DCUN1D4: variants seen among roughly 807,000 people sequenced by gnomAD.
The protein encoded by DCUN1D4 is defective in cullin neddylation 1 domain containing 4.
DCUN1D4 carries 22 observed loss-of-function variants against 47.9 expected under a neutral mutation model. The ratio of observed to expected loss-of-function variants is 0.46; its 90% confidence interval spans 0.33 to 0.66. The LOEUF (loss-of-function observed/expected upper bound fraction) is 0.66. DCUN1D4 is among the 30% of genes least tolerant of loss of function. DCUN1D4 has a pLI of 0.02. For missense variants in DCUN1D4, 301 were observed against 340.8 expected (o/e 0.88, Z 0.92); for synonymous variants, 121 against 112.2 (o/e 1.08, Z -0.50).
intron 5 of DCUN1D4, 132 bp downstream of exon 5, chr4:51,877,986 A>C: frequency 2.0e-6 from 1 of 500,640 alleles, no homozygotes. Context: ...TGTTAGAGGG[A>C]GAGAGGGACA....
Position 51,843,437 on chromosome 4 carries a change from CGGCGTGGGGCGGGGGCG to C in DCUN1D4, c.25+180_25+196del. The C allele has an allele frequency of 7.6e-6, 9 of 1,189,484 alleles. No homozygotes were observed. The South Asian group carries it at 8.1e-5, about 11-fold the overall frequency. 73.7% of individuals were successfully genotyped at this position (1,189,484 alleles called of 1,614,324 possible). On this transcript the variant is annotated intron_variant, in intron 1 of 10. Coordinates refer to ENST00000334635, the MANE Select transcript of DCUN1D4 (RefSeq NM_001040402.3). ...CCGGGGCGGGCGGTGACGCTGCGGGCGGCGTGGGGCGGGGGCGGGCGTGGGGGGAAGGGACCGGCCTG... is the reference window on the plus strand; with the variant it reads ...CCGGGGCGGGCGGTGACGCTGCGGGCGGCGTGGGGGGAAGGGACCGGCCTG...
At chr4:51,894,080 G>A (rs1327667179) in intron 7 of DCUN1D4, among the ~76,000 whole-genome samples, 2 of 152,136 alleles carry the variant, frequency 1.3e-5, no homozygotes, top group African/African-American at 2.4e-5. Context: ...CACTTTGTAT[G>A]ATGCAGGTGG....
chr4:51,882,651 C>A (rs1728848772), intron 5 of DCUN1D4, among the ~76,000 whole-genome samples: 1 of 152,068 alleles, frequency 6.6e-6, no homozygotes. Flanking sequence ...CCTGTAGTCC[C>A]AGCTACTCTG....
At position 51,913,699 on chromosome 4, in the gene DCUN1D4, G is replaced by A. The variant is rs933305302; in HGVS notation, c.*115G>A. ...GCTTCTCTTGCACTGTTTCCCTTTC[G>A]CAGGGACATGTTGGTGTTTGCTATT... On this transcript the variant is annotated 3_prime_UTR_variant, in exon 11 of 11. Coordinates refer to ENST00000334635, the MANE Select transcript of DCUN1D4 (RefSeq NM_001040402.3). 1.2e-5 allele frequency: 11 copies of A among 934,068 alleles called. No individual in the cohort carries two copies. Among genetic ancestry groups the A allele is most frequent in the Admixed American group, 1.9e-5 (1 of 51,676 alleles). 57.9% of individuals were successfully genotyped at this position (934,068 alleles called of 1,614,324 possible). A position where few individuals can be genotyped will look rare whatever the true frequency, so the allele number is the denominator to read the frequency against.
At chr4:51,839,689 C>A (rs1721583951), upstream of DCUN1D4, among the ~76,000 whole-genome samples, 1 of 152,128 alleles carries the variant, frequency 6.6e-6, no homozygotes, top group African/African-American at 2.4e-5. Context: ...AATCTAAGGC[C>A]AAATTAATTC....
chr4:51,866,504 C>T (rs189792989), intron 3 of DCUN1D4, among the ~76,000 whole-genome samples: 24 of 152,150 alleles, frequency 1.6e-4, no homozygotes, highest in Non-Finnish European at 2.9e-4. Flanking sequence ...ATTTATAAAG[C>T]ATCTGCTTTC....
chr4:51,843,414 G>C (rs1035997888), intron 1 of DCUN1D4, 147 bp downstream of exon 1: 8 of 1,280,246 alleles, frequency 6.2e-6, no homozygotes, highest in Non-Finnish European at 8.0e-6. Context: ...TCCCGGGGCC[G>C]GGGCGGGCGG....
At chr4:51,912,128 C>T (rs1269223848) in intron 9 of DCUN1D4, among the ~76,000 whole-genome samples, 1 of 152,158 alleles carries the variant, frequency 6.6e-6, no homozygotes, top group African/African-American at 2.4e-5. Context: ...TATCTGTTTA[C>T]CCAAAATAGT....
At chr4:51,884,256 C>G (rs1339273980) in intron 5 of DCUN1D4, 1 of 152,108 alleles carries the variant, frequency 6.6e-6, no homozygotes, top group Non-Finnish European at 1.5e-5. Flanking sequence ...TAAGACTTCC[C>G]AGCAGGAGCT....
At chr4:51,846,206 G>A (rs748393693) in intron 1 of DCUN1D4, among the ~76,000 whole-genome samples, 23 of 152,062 alleles carry the variant, frequency 1.5e-4, no homozygotes, top group African/African-American at 2.7e-4. Context: ...TGGTTTTTAG[G>A]TTCCTTTTTG....
At chr4:51,854,241 A>G (rs1723795091) in intron 1 of DCUN1D4, among the ~76,000 whole-genome samples, 1 of 152,236 alleles carries the variant, frequency 6.6e-6, no homozygotes, top group Non-Finnish European at 1.5e-5. Context: ...GTAAATTGGT[A>G]TTGTAAATCA....
At chr4:51,872,387 A>G (rs1727029678) in intron 3 of DCUN1D4, among the ~76,000 whole-genome samples, 1 of 152,132 alleles carries the variant, frequency 6.6e-6, no homozygotes, top group Non-Finnish European at 1.5e-5. Context: ...CACTGTGTCC[A>G]CTTCCTCACC....
chr4:51,881,370 A>G (rs369902768), intron 5 of DCUN1D4, among the ~76,000 whole-genome samples: 4 of 152,202 alleles, frequency 2.6e-5, no homozygotes, highest in African/African-American at 9.6e-5. Flanking sequence ...AAAGTCAGTC[A>G]TGGACAGTTG....
intron 6 of DCUN1D4, chr4:51,887,150 G>C: frequency 2.2e-6 from 1 of 451,158 alleles, no homozygotes; most frequent in Non-Finnish European, 4.4e-6. Flanking sequence ...CGCCAGGCTG[G>C]AGTGCAATGG....
intron 9 of DCUN1D4, among the ~76,000 whole-genome samples, chr4:51,912,117 G>A (rs1733802157): frequency 6.6e-6 from 1 of 152,116 alleles, no homozygotes; most frequent in South Asian, 2.1e-4. Flanking sequence ...TTTTACGTAA[G>A]TATCTGTTTA....
rs1560529377 is a variant in DCUN1D4 at position 51,914,551 on chromosome 4, GCC to G, written c.*968_*969del. On this transcript the variant is annotated 3_prime_UTR_variant, in exon 11 of 11. Transcript: ENST00000334635. Reference sequence around the variant, plus strand: ...AGCTTTCATGGTATGTAATTTTCCAGCCTTTTGAGAAAACAAGCATACTATAA... The same window carrying G: ...AGCTTTCATGGTATGTAATTTTCCAGTTTTGAGAAAACAAGCATACTATAA... 1 of 152,490 alleles carries G rather than the reference GCC, an allele frequency of 6.6e-6. No homozygotes were observed. Among genetic ancestry groups the G allele is most frequent in the African/African-American group, 2.4e-5 (1 of 41,408 alleles). 9.4% of individuals were successfully genotyped at this position (152,490 alleles called of 1,614,324 possible).
chr4:51,889,057 C>T (rs955365515), intron 6 of DCUN1D4, among the ~76,000 whole-genome samples: 6 of 151,920 alleles, frequency 3.9e-5, no homozygotes, highest in African/African-American at 7.3e-5. Flanking sequence ...TGCAGTGAGC[C>T]GAGATCGCAC....
rs573907675 is a variant in DCUN1D4 at position 51,913,795 on chromosome 4, T to A, written c.*211T>A. On this transcript the variant is annotated 3_prime_UTR_variant, in exon 11 of 11. Transcript: ENST00000334635. ...GCTGCTTTGCAGTTTGTATTTACACTACAGATTGGTGAATTTGCCAACGTC... is the reference window on the plus strand; with the variant it reads ...GCTGCTTTGCAGTTTGTATTTACACAACAGATTGGTGAATTTGCCAACGTC... 20 of 486,610 alleles carry A rather than the reference T, an allele frequency of 4.1e-5. No homozygotes were observed. The highest frequency in any genetic ancestry group is 3.7e-4 in the African/African-American group (19 of 51,592). 30.1% of individuals were successfully genotyped at this position (486,610 alleles called of 1,614,324 possible).
At chr4:51,838,691 C>T (rs1405452593), upstream of DCUN1D4, among the ~76,000 whole-genome samples, 1 of 152,142 alleles carries the variant, frequency 6.6e-6, no homozygotes, top group Non-Finnish European at 1.5e-5. Context: ...CCTGATTTCA[C>T]TATCTTTTGA....
Sources: gnomAD v4.1 joint callset for allele counts (sites outside exome capture counted in the v4.1 genomes callset) on GRCh38, gnomAD v4.1.1 for gene constraint, MANE v1.5 for transcripts, NCBI Gene and HGNC (gene_info 2026-07-23, HGNC 2026-07-21) for gene names.